OSBPL10: variants seen among roughly 807,000 people sequenced by gnomAD.
The protein encoded by OSBPL10 is oxysterol binding protein like 10.
In OSBPL10, 49 loss-of-function variants were observed where a neutral mutation model predicts 81.7. The ratio of observed to expected loss-of-function variants is 0.60; its 90% CI spans 0.48 to 0.76. The LOEUF (loss-of-function observed/expected upper bound fraction) is 0.76. Among genes scored for constraint, OSBPL10 ranks in the 30% least tolerant of loss-of-function variants. The pLI is 0.00. For synonymous variants in OSBPL10, 419 were observed against 383.6 expected, an observed-to-expected ratio of 1.09 and a Z score of -1.08; for missense variants, 923 against 987.8, an observed-to-expected ratio of 0.93 and a Z score of 0.88.
At chr3:31,876,898 T>C (rs1051826796) in intron 2 of OSBPL10, among the ~76,000 whole-genome samples, 12 of 148,238 alleles carry the variant, frequency 8.1e-5, no homozygotes, top group Non-Finnish European at 1.5e-4. Context: ...GAGTATCAAA[T>C]GGCACTTTTT....
intron 1 of OSBPL10, among the ~76,000 whole-genome samples, chr3:31,898,038 CAG>C (rs1696116035): frequency 3.5e-5 from 2 of 57,170 alleles, no homozygotes; most frequent in South Asian, 5.9e-4. Flanking sequence ...AAAAAAAAAA[CAG>C]AAGAAGAAGA....
At chr3:31,741,886 G>C (rs1251162071) in intron 5 of OSBPL10, among the ~76,000 whole-genome samples, 1 of 152,176 alleles carries the variant, frequency 6.6e-6, no homozygotes, top group Non-Finnish European at 1.5e-5. Context: ...GAGTTTCTCT[G>C]CACAAGCTCT....
intron 2 of OSBPL10, chr3:31,988,902 C>T: frequency 1.4e-6 from 1 of 738,464 alleles, no homozygotes. Flanking sequence ...GCCAGGAACA[C>T]CCAGCTGAAG....
At chr3:31,944,019 A>G (rs984687933) in intron 1 of OSBPL10, among the ~76,000 whole-genome samples, 20 of 150,652 alleles carry the variant, frequency 1.3e-4, no homozygotes, top group Admixed American at 1.3e-3. Flanking sequence ...AACACTTAAT[A>G]TATGAATAAT....
At chr3:31,664,034 A>T (rs1192582038) in intron 11 of OSBPL10, 45 bp downstream of exon 11, 1 of 1,614,034 alleles carries the variant, frequency 6.2e-7, no homozygotes, top group South Asian at 1.1e-5. Flanking sequence ...CTCTCAGGAC[A>T]AGTTCTCTCC....
At chr3:32,011,943 T>A (rs1338692310) in intron 2 of OSBPL10, among the ~76,000 whole-genome samples, 1 of 152,060 alleles carries the variant, frequency 6.6e-6, no homozygotes, top group Admixed American at 6.5e-5. Context: ...TGGGACTATG[T>A]GAAAAGACCG....
rs1485968747 is a variant in OSBPL10, at chr3:31,783,146, T to TATATATATATAC, written c.730-35027_730-35026insGTATATATATAT. ...ATATATATATATATATATATATATA[T>TATATATATATAC]ACACACACACCATAGAATACTACTC... is the stretch of plus-strand genomic sequence containing the variant. On this transcript the variant is annotated intron_variant, in intron 4 of 11. Coordinates refer to ENST00000396556, the MANE Select transcript of OSBPL10 (RefSeq NM_017784.5). Among the ~76,000 whole-genome samples the TATATATATATAC allele has an allele frequency of 9.1e-4, 103 of 112,890 alleles. 1 individual carries two copies. The highest frequency in any genetic ancestry group is 3.7e-3 in the African/African-American group (97 of 25,914). The allele number at this position is 112,890 out of a possible 152,430, so 74.1% of individuals were successfully genotyped here.
At chr3:31,710,329 G>A (rs1266793065) in intron 6 of OSBPL10, among the ~76,000 whole-genome samples, 5 of 152,176 alleles carry the variant, frequency 3.3e-5, no homozygotes, top group Non-Finnish European at 7.4e-5. Context: ...GGCCTGTGAC[G>A]TTCGTACTGG....
chr3:31,824,111 C>T (rs1186491212), intron 4 of OSBPL10, among the ~76,000 whole-genome samples: 1 of 152,210 alleles, frequency 6.6e-6, no homozygotes, highest in East Asian at 1.9e-4. Flanking sequence ...CCTCTCATCT[C>T]AGCCTCCCAA....
intron 1 of OSBPL10, among the ~76,000 whole-genome samples, chr3:32,059,273 C>A (rs981521038): frequency 6.8e-6 from 1 of 146,882 alleles, no homozygotes; most frequent in Admixed American, 6.8e-5. Flanking sequence ...TCCAGCCTGG[C>A]AACAGAGCAA....
intron 1 of OSBPL10, among the ~76,000 whole-genome samples, chr3:31,955,643 AT>A (rs1280264424): frequency 6.6e-6 from 1 of 152,170 alleles, no homozygotes; most frequent in Non-Finnish European, 1.5e-5. Flanking sequence ...CACAAGGAGA[AT>A]TTACCCACCA....
chr3:31,856,200 A>G (rs1700909660), intron 3 of OSBPL10, among the ~76,000 whole-genome samples: 1 of 151,926 alleles, frequency 6.6e-6, no homozygotes, highest in Non-Finnish European at 1.5e-5. Context: ...GCGGGCAGCC[A>G]AATGTTAAGA....
chr3:31,829,746 T>C (rs1700191364), intron 4 of OSBPL10, among the ~76,000 whole-genome samples: 1 of 152,232 alleles, frequency 6.6e-6, no homozygotes, highest in African/African-American at 2.4e-5. Flanking sequence ...GCCTAGTCTT[T>C]GCTATGAGCG....
At chr3:31,893,079 T>G (rs1278963195) in intron 1 of OSBPL10, among the ~76,000 whole-genome samples, 1 of 152,144 alleles carries the variant, frequency 6.6e-6, no homozygotes, top group South Asian at 2.1e-4. Context: ...CCTGAAATGT[T>G]AATGTGCTCC....
intron 1 of OSBPL10, among the ~76,000 whole-genome samples, chr3:31,949,727 C>CAGACACA (rs575441037): frequency 1.8e-3 from 205 of 111,042 alleles, no homozygotes; most frequent in Middle Eastern, 0.016. Context: ...CCTCACAGAA[C>CAGACACA]AGACACAAGT....
At chr3:31,667,251 C>T (rs9866738) in intron 10 of OSBPL10, among the ~76,000 whole-genome samples, 75,929 of 152,104 alleles carry the variant, frequency 0.5, 22,440 homozygotes, top group African/African-American at 0.83. Context: ...CTTATCGCAG[C>T]CTTTCCCTTG....
intron 1 of OSBPL10, among the ~76,000 whole-genome samples, chr3:31,976,044 GT>G (rs1373319618): frequency 6.6e-6 from 1 of 152,164 alleles, no homozygotes; most frequent in African/African-American, 2.4e-5. Flanking sequence ...AGCTGTAAAT[GT>G]TTGGTGCCAA....
At chr3:31,674,323 G>A (rs1316517393) in intron 8 of OSBPL10, among the ~76,000 whole-genome samples, 2 of 152,256 alleles carry the variant, frequency 1.3e-5, no homozygotes, top group Admixed American at 6.5e-5. Context: ...GGAGGTGGAA[G>A]TGGGAGGATG....
chr3:31,828,750 C>A (rs1575570802), intron 4 of OSBPL10, among the ~76,000 whole-genome samples: 1 of 152,204 alleles, frequency 6.6e-6, no homozygotes, highest in Admixed American at 6.5e-5. Context: ...CCAGGCTGCT[C>A]TCGAACTCCT....
Sources: gnomAD v4.1 joint callset for allele counts (sites outside exome capture counted in the v4.1 genomes callset) on GRCh38, gnomAD v4.1.1 for gene constraint, MANE v1.5 for transcripts, NCBI Gene and HGNC (gene_info 2026-07-23, HGNC 2026-07-21) for gene names.